The following RAD51B variants were observed in gnomAD, a reference collection of about 807,000 sequenced individuals.
RAD51B encodes the protein DNA repair protein RAD51 homolog 2.
A neutral mutation model predicts 42.2 loss-of-function variants in RAD51B; 38 were observed. The observed-to-expected ratio is 0.90, with a 90% CI of 0.70 to 1.18. The LOEUF is 1.18. RAD51B is among the 50% of genes most tolerant of loss of function. RAD51B has a pLI of 0.00. For missense variants in RAD51B, 373 were observed against 400.7 expected (o/e 0.93, Z 0.59); for synonymous variants, 154 against 145.2 (o/e 1.06, Z -0.43).
At chr14:68,313,562 A>G (rs2082001636) in intron 8 of RAD51B, among the ~76,000 whole-genome samples, 1 of 152,180 alleles carries the variant, frequency 6.6e-6, no homozygotes, top group Non-Finnish European at 1.5e-5. Context: ...AGCCCCAGCA[A>G]CAGTGGCCCT....
intron 7 of RAD51B, among the ~76,000 whole-genome samples, chr14:68,030,115 A>G (rs1216784758): frequency 1.3e-5 from 2 of 152,228 alleles, no homozygotes; most frequent in Non-Finnish European, 2.9e-5. Context: ...GCACAGGCAG[A>G]GTAGATTAGC....
At chr14:68,541,556 T>C in intron 10 of RAD51B, 1 of 985,458 alleles carries the variant, frequency 1.0e-6, no homozygotes, top group Non-Finnish European at 1.2e-6. Context: ...AAGTTGAGTC[T>C]AGATGGCATG....
At chr14:68,549,484 C>T (rs920324182) in intron 10 of RAD51B, among the ~76,000 whole-genome samples, 2 of 134,802 alleles carry the variant, frequency 1.5e-5, no homozygotes, top group South Asian at 2.4e-4. Context: ...GGCGCGATCT[C>T]GACTCACTGC....
At chr14:68,646,073 T>C (rs549962716) in intron 10 of RAD51B, among the ~76,000 whole-genome samples, 8,391 of 152,126 alleles carry the variant, frequency 0.055, 314 homozygotes, top group Middle Eastern at 0.099. Context: ...TCTTTTTTTT[T>C]TTATTTGCCA....
chr14:68,652,337 A>G (rs954090056), intron 11 of RAD51B, among the ~76,000 whole-genome samples: 1 of 151,430 alleles, frequency 6.6e-6, no homozygotes, highest in Non-Finnish European at 1.5e-5. Flanking sequence ...TCTCCCTGAT[A>G]CTCCTACTCT....
At chr14:68,268,190 A>G (rs2081030558) in intron 7 of RAD51B, among the ~76,000 whole-genome samples, 1 of 152,202 alleles carries the variant, frequency 6.6e-6, no homozygotes, top group Admixed American at 6.5e-5. Flanking sequence ...TCAGACACCT[A>G]ACATATCCAG....
chr14:68,610,589 C>T (rs1269672424), intron 10 of RAD51B, among the ~76,000 whole-genome samples: 1 of 152,234 alleles, frequency 6.6e-6, no homozygotes, highest in African/African-American at 2.4e-5. Flanking sequence ...TGTACCTGTG[C>T]TCACACCATA....
At chr14:68,149,337 A>T (rs1041585536) in intron 7 of RAD51B, among the ~76,000 whole-genome samples, 1 of 152,126 alleles carries the variant, frequency 6.6e-6, no homozygotes, top group Non-Finnish European at 1.5e-5. Flanking sequence ...TTTGCATTGT[A>T]TATTTACTTC....
intron 7 of RAD51B, among the ~76,000 whole-genome samples, chr14:68,163,985 A>T (rs1391755831): frequency 6.6e-6 from 1 of 152,158 alleles, no homozygotes; most frequent in Non-Finnish European, 1.5e-5. Flanking sequence ...CTTGAGAAGA[A>T]ATGTTCTTGA....
intron 7 of RAD51B, among the ~76,000 whole-genome samples, chr14:67,959,417 TTTTGTATTTTTAGTAGAGATGGG>T (rs1431217661): frequency 6.6e-5 from 10 of 152,000 alleles, no homozygotes; most frequent in Non-Finnish European, 1.5e-4. Flanking sequence ...TGGCTAATGT[TTTTGTATTTTTAGTAGAGATGGG>T]GTTTTACCGT....
chr14:68,657,401 G>C (rs776461246), intron 11 of RAD51B, among the ~76,000 whole-genome samples: 1 of 152,134 alleles, frequency 6.6e-6, no homozygotes, highest in Non-Finnish European at 1.5e-5. Flanking sequence ...GACTGGTCTC[G>C]ACCTCCAGGC....
At position 68,114,807 on chromosome 14, in the gene RAD51B, C is replaced by T. The variant is rs79396028; in HGVS notation, c.757-177077C>T. ...ATTGAGTGTTAATACATAGCAGATA[C>T]TGTGAAGAATATTTTATGTACCATC... On this transcript the variant is annotated intron_variant, in intron 7 of 10. Transcript: ENST00000471583. 5.6e-3 allele frequency among the ~76,000 whole-genome samples: 850 copies of T among 152,132 alleles called. 10 individuals are homozygous for T. Among genetic ancestry groups the T allele is most frequent in the African/African-American group, 0.02 (810 of 41,488 alleles).
At chr14:68,348,964 T>C (rs2082729284) in intron 8 of RAD51B, among the ~76,000 whole-genome samples, 1 of 152,238 alleles carries the variant, frequency 6.6e-6, no homozygotes, top group Non-Finnish European at 1.5e-5. Context: ...TTATTTATTT[T>C]AGGTTTTGCA....
rs77491460 is a variant in RAD51B, at chr14:68,536,373, A to G, written c.1037-58112A>G. Among the ~76,000 whole-genome samples, 94 of 152,374 alleles carry G rather than the reference A, an allele frequency of 6.2e-4. 1 individual carries two copies. Among genetic ancestry groups the G allele is most frequent in the Admixed American group, 1.2e-3 (18 of 15,310 alleles). ...AACCCCTCCCTGGATGTTTAAGAAT[A>G]TATAAAACATTTCAACTTGAGAAAG... On this transcript the variant is annotated intron_variant, in intron 10 of 10. Coordinates refer to the RAD51B transcript ENST00000487270.
chr14:68,601,936 T>A (rs1342565033), intron 10 of RAD51B, among the ~76,000 whole-genome samples: 1 of 152,116 alleles, frequency 6.6e-6, no homozygotes, highest in African/African-American at 2.4e-5. Context: ...ACTGCCCTAT[T>A]TCTCTTCACC....
intron 9 of RAD51B, among the ~76,000 whole-genome samples, chr14:68,458,452 G>GA (rs1426067940): frequency 6.6e-6 from 1 of 152,082 alleles, no homozygotes; most frequent in Non-Finnish European, 1.5e-5. Flanking sequence ...CTACTGATCA[G>GA]AAAAAATTAA....
At chr14:68,560,473 C>T (rs1456811223) in intron 10 of RAD51B, among the ~76,000 whole-genome samples, 2 of 152,082 alleles carry the variant, frequency 1.3e-5, no homozygotes, top group East Asian at 1.9e-4. Context: ...CGGTGGCTCA[C>T]GCCTGTAATC....
At chr14:68,412,046 T>A (rs558423905) in intron 9 of RAD51B, among the ~76,000 whole-genome samples, 4 of 152,350 alleles carry the variant, frequency 2.6e-5, no homozygotes, top group African/African-American at 9.6e-5. Flanking sequence ...GGTTGGTCAC[T>A]TTCTCAGAGT....
intron 7 of RAD51B, among the ~76,000 whole-genome samples, chr14:68,081,466 G>A (rs1017879350): frequency 1.3e-5 from 2 of 152,328 alleles, no homozygotes; most frequent in Middle Eastern, 6.8e-3. Context: ...GGAGAAGAGT[G>A]AGGGCGGAGT....
Sources: allele counts gnomAD v4.1 joint callset (sites outside exome capture counted in the v4.1 genomes callset), GRCh38; gene constraint gnomAD v4.1.1; transcripts MANE v1.5; gene names NCBI Gene and HGNC (gene_info 2026-07-23, HGNC 2026-07-21).